Variants in ELMO1 observed in about 807,000 individuals in gnomAD.
ELMO1 encodes engulfment and cell motility 1, also known as engulfment and cell motility protein 1.
Under a neutral mutation model 98.9 loss-of-function variants are expected in ELMO1, and 26 were observed. The ratio of observed to expected loss-of-function variants is 0.26; its 90% CI spans 0.19 to 0.36. The LOEUF is 0.36. ELMO1 is among the 10% of genes least tolerant of loss of function. The pLI is 1.00. For missense variants in ELMO1, 627 were observed against 935.2 expected (o/e 0.67, Z 4.30); for synonymous variants, 346 against 346.0 (o/e 1.00, Z 0.00).
chr7:37,088,080 G>C (rs537849173), intron 15 of ELMO1, among the ~76,000 whole-genome samples: 1 of 152,258 alleles, frequency 6.6e-6, no homozygotes, highest in Admixed American at 6.5e-5. Context: ...AAATCTACCA[G>C]GCTCACCTCT....
chr7:37,174,193 C>A (rs1027441917), intron 13 of ELMO1, among the ~76,000 whole-genome samples: 1 of 152,136 alleles, frequency 6.6e-6, no homozygotes, highest in Non-Finnish European at 1.5e-5. Context: ...ATGCTTAATA[C>A]CCTCCCACTT....
intron 14 of ELMO1, among the ~76,000 whole-genome samples, chr7:37,107,475 C>T (rs1250409244): frequency 6.6e-6 from 1 of 152,128 alleles, no homozygotes; most frequent in Admixed American, 6.5e-5. Flanking sequence ...AAAATGGATG[C>T]TGAATAAAAG....
chr7:37,087,792 C>T (rs1184722749), intron 15 of ELMO1, among the ~76,000 whole-genome samples: 1 of 151,938 alleles, frequency 6.6e-6, no homozygotes, highest in East Asian at 1.9e-4. Flanking sequence ...TCCTATAAAC[C>T]ACCCCAATTT....
chr7:37,434,293 G>C (rs141927739), intron 1 of ELMO1, among the ~76,000 whole-genome samples: 1 of 152,136 alleles, frequency 6.6e-6, no homozygotes, highest in East Asian at 1.9e-4. Flanking sequence ...CTGGGACCAC[G>C]TGCACTGGGA....
chr7:37,180,866 C>T (rs915535419), intron 13 of ELMO1, among the ~76,000 whole-genome samples: 3 of 151,808 alleles, frequency 2.0e-5, no homozygotes, highest in African/African-American at 7.3e-5. Flanking sequence ...AGAAAGCAAA[C>T]ACCAGGGAGG....
intron 8 of ELMO1, among the ~76,000 whole-genome samples, chr7:37,227,648 A>G (rs1247620834): frequency 2.0e-5 from 3 of 152,012 alleles, no homozygotes; most frequent in African/African-American, 7.3e-5. Flanking sequence ...GGCCTCCCAA[A>G]GTGCTGGGAT....
rs1805873847 is a variant in ELMO1, at chr7:36,894,952, C to G, written c.1503G>C (p.Gln501His). The G allele has an allele frequency of 6.2e-7, 1 of 1,614,122 alleles. No individual in the cohort carries two copies. Among genetic ancestry groups the G allele is most frequent in the Non-Finnish European group, 8.5e-7 (1 of 1,180,008 alleles). The change falls in exon 17 of 22, where the codon CAG (glutamine) becomes CAC (histidine). Residue 501 changes from glutamine (Q) to histidine (H), a missense_variant. Around this residue, in one of 3 missense-constraint regions of ELMO1, gnomAD observed 492 missense variants for 715.6 expected, o/e 0.69. Coordinates refer to ENST00000310758, the MANE Select transcript of ELMO1 (RefSeq NM_014800.11). ...TCAGGTTCTGCAGTTTGCTCTTGAA[C>G]TGGTCCAGGGAGCTAGGCTTGGTTG... ...ALTTKPSSLDQFKSKLQNLSY... is the reference protein window; with the variant it reads ...ALTTKPSSLDHFKSKLQNLSY...
At chr7:37,178,140 C>T (rs1790598216) in intron 13 of ELMO1, among the ~76,000 whole-genome samples, 1 of 151,776 alleles carries the variant, frequency 6.6e-6, no homozygotes, top group South Asian at 2.1e-4. Flanking sequence ...AAGACATACC[C>T]GAGACTGGGT....
intron 6 of ELMO1, among the ~76,000 whole-genome samples, chr7:37,250,976 T>C (rs1223713679): frequency 6.6e-6 from 1 of 152,130 alleles, no homozygotes; most frequent in Non-Finnish European, 1.5e-5. Context: ...CCTTTCATTC[T>C]TGGAAATGTT....
At chr7:37,191,143 C>T (rs1425413736) in intron 13 of ELMO1, among the ~76,000 whole-genome samples, 1 of 144,388 alleles carries the variant, frequency 6.9e-6, no homozygotes, top group Non-Finnish European at 1.5e-5. Context: ...GAGCCGAGAC[C>T]GCGCCACTGC....
intron 4 of ELMO1, among the ~76,000 whole-genome samples, chr7:37,303,803 A>G (rs1798468333): frequency 1.3e-5 from 2 of 152,164 alleles, no homozygotes; most frequent in African/African-American, 4.8e-5. Context: ...GACCTCTGGC[A>G]TTTGTCCTTG....
chr7:36,922,326 A>C (rs1785210496), intron 16 of ELMO1, among the ~76,000 whole-genome samples: 1 of 148,786 alleles, frequency 6.7e-6, no homozygotes, highest in East Asian at 2.0e-4. Flanking sequence ...TTCCCTTTTA[A>C]AGGCAGATAT....
rs147722774 is a variant in ELMO1 at position 36,854,102 on chromosome 7, T to G, written c.*1449A>C. Among the ~76,000 whole-genome samples, 1 of 119,400 alleles carries G rather than the reference T, an allele frequency of 8.4e-6. No homozygotes were observed. The highest frequency in any genetic ancestry group is 1.8e-5 in the Non-Finnish European group (1 of 57,050). 78.3% of individuals were successfully genotyped at this position (119,400 alleles called of 152,430 possible). ...AAAAGGAATAGATATTTTCATACAGTGGGTCTGATTTTCTCAGTGAGTCGA... is the reference window on the plus strand; with the variant it reads ...AAAAGGAATAGATATTTTCATACAGGGGGTCTGATTTTCTCAGTGAGTCGA... On this transcript the variant is annotated 3_prime_UTR_variant, in exon 22 of 22. Transcript: ENST00000310758.
chr7:36,948,950 G>A (rs563479062), intron 16 of ELMO1, among the ~76,000 whole-genome samples: 1 of 152,152 alleles, frequency 6.6e-6, no homozygotes, highest in Non-Finnish European at 1.5e-5. Context: ...CTGTCTCCCA[G>A]GTTCAAGCGA....
In ELMO1 at chr7:37,029,291, T is replaced by C. The variant is rs1012568890; in HGVS notation, c.1301-15856A>G. On this transcript the variant is annotated intron_variant, in intron 15 of 21. Transcript: ENST00000310758. ...CACAGGCCTCTTTGATCCTGACTGA[T>C]CACATACATATCAAAGATTACCCCA... Among the ~76,000 whole-genome samples, 6 of 152,144 alleles carry C rather than the reference T, an allele frequency of 3.9e-5. No homozygotes were observed. In the East Asian group the frequency reaches 1.2e-3, roughly 29 times the overall value.
chr7:37,005,297 C>A (rs931944063), intron 16 of ELMO1, among the ~76,000 whole-genome samples: 2 of 151,852 alleles, frequency 1.3e-5, no homozygotes, highest in Non-Finnish European at 2.9e-5. Context: ...CCAGGACAGT[C>A]CCTGAAAATT....
intron 1 of ELMO1, among the ~76,000 whole-genome samples, chr7:37,440,354 A>C (rs1036971979): frequency 6.6e-6 from 1 of 152,020 alleles, no homozygotes; most frequent in African/African-American, 2.4e-5. Context: ...AGGCAGAAGA[A>C]TCACTTGAAC....
At chr7:37,383,798 A>G (rs1391773588) in intron 1 of ELMO1, among the ~76,000 whole-genome samples, 1 of 151,758 alleles carries the variant, frequency 6.6e-6, no homozygotes, top group Non-Finnish European at 1.5e-5. Flanking sequence ...AGTTTGAAAT[A>G]TACAGGGCTT....
chr7:36,946,848 T>C (rs1787533655), intron 16 of ELMO1, among the ~76,000 whole-genome samples: 1 of 152,254 alleles, frequency 6.6e-6, no homozygotes, highest in Non-Finnish European at 1.5e-5. Flanking sequence ...TTTTATCTAA[T>C]TCTTGTGACT....
Sources: gnomAD v4.1 joint callset for allele counts (sites outside exome capture counted in the v4.1 genomes callset) on GRCh38, gnomAD v4.1.1 for gene constraint, gnomAD v4.1.1 regional missense constraint, MANE v1.5 for transcripts, NCBI Gene and HGNC (gene_info 2026-07-23, HGNC 2026-07-21) for gene names.